PAX5: variants seen among roughly 807,000 people sequenced by gnomAD.
The protein encoded by PAX5 is paired box protein Pax-5.
Under a neutral mutation model 43.7 loss-of-function variants are expected in PAX5, and 9 were observed. The ratio of observed to expected loss-of-function variants is 0.21; its 90% CI spans 0.12 to 0.36. The LOEUF (loss-of-function observed/expected upper bound fraction) is 0.36. Among genes scored for constraint, PAX5 ranks in the 10% least tolerant of loss-of-function variants. The pLI, the probability that PAX5 is intolerant of heterozygous loss-of-function variation, is 1.00. For synonymous variants in PAX5, 228 were observed against 214.3 expected, an observed-to-expected ratio of 1.06 and a Z score of -0.56; for missense variants, 383 against 532.7, an observed-to-expected ratio of 0.72 and a Z score of 2.77.
At chr9:36,997,160 T>C (rs1163534810) in intron 5 of PAX5, among the ~76,000 whole-genome samples, 1 of 152,138 alleles carries the variant, frequency 6.6e-6, no homozygotes, top group East Asian at 1.9e-4. Context: ...TCATCAGACT[T>C]GGCATCTTCT....
chr9:36,996,878 G>A (rs1354306840), intron 5 of PAX5, among the ~76,000 whole-genome samples: 4 of 152,164 alleles, frequency 2.6e-5, no homozygotes, highest in Non-Finnish European at 2.9e-5. Flanking sequence ...GAGTGTGAGA[G>A]AAAGAGAAGA....
chr9:36,933,026 G>T (rs1831251223), intron 6 of PAX5, among the ~76,000 whole-genome samples: 1 of 151,600 alleles, frequency 6.6e-6, no homozygotes. Context: ...TGTGGTGGTG[G>T]GCACCTACTC....
At chr9:36,859,944 A>G (rs1824038332) in intron 8 of PAX5, among the ~76,000 whole-genome samples, 1 of 151,936 alleles carries the variant, frequency 6.6e-6, no homozygotes, top group Non-Finnish European at 1.5e-5. Context: ...CTGAGGCAGG[A>G]GAATGGTGTG....
At chr9:36,899,659 C>G (rs1828195491) in intron 7 of PAX5, among the ~76,000 whole-genome samples, 1 of 152,130 alleles carries the variant, frequency 6.6e-6, no homozygotes, top group Non-Finnish European at 1.5e-5. Flanking sequence ...CAGCCAACCC[C>G]CAGGACTACA....
chr9:36,965,347 A>C (rs143856530), intron 6 of PAX5, among the ~76,000 whole-genome samples: 1 of 152,184 alleles, frequency 6.6e-6, no homozygotes, highest in East Asian at 1.9e-4. Flanking sequence ...CAAAGTAAAC[A>C]CTCATCATAT....
At chr9:36,900,017 A>G (rs571233709) in intron 7 of PAX5, among the ~76,000 whole-genome samples, 4 of 152,310 alleles carry the variant, frequency 2.6e-5, no homozygotes, top group East Asian at 3.9e-4. Flanking sequence ...ACCAAAGCCA[A>G]TGGATTCTTT....
chr9:37,022,899 G>T (rs999472622), intron 1 of PAX5, among the ~76,000 whole-genome samples: 11 of 152,236 alleles, frequency 7.2e-5, no homozygotes, highest in South Asian at 4.1e-4. Flanking sequence ...TCCTTGAAAG[G>T]TCCCCAAGAC....
At chr9:36,894,280 G>A (rs1827667243) in intron 7 of PAX5, among the ~76,000 whole-genome samples, 1 of 152,174 alleles carries the variant, frequency 6.6e-6, no homozygotes, top group African/African-American at 2.4e-5. Context: ...GCCCACCCTG[G>A]GTAGGAGCTG....
chr9:37,021,960 A>T (rs1321986252), intron 1 of PAX5, among the ~76,000 whole-genome samples: 1 of 152,182 alleles, frequency 6.6e-6, no homozygotes, highest in Admixed American at 6.5e-5. Context: ...TCTCACACAC[A>T]TATATACTCA....
chr9:36,942,628 G>A (rs1337225704), intron 6 of PAX5, among the ~76,000 whole-genome samples: 5 of 152,224 alleles, frequency 3.3e-5, no homozygotes, highest in African/African-American at 4.8e-5. Flanking sequence ...ACTGGGCTTT[G>A]TTCTGCCTCT....
At chr9:36,860,409 G>A (rs1587785150) in intron 8 of PAX5, among the ~76,000 whole-genome samples, 1 of 152,102 alleles carries the variant, frequency 6.6e-6, no homozygotes, top group African/African-American at 2.4e-5. Context: ...TAGTTCACAG[G>A]GAGCTCGGAG....
intron 8 of PAX5, among the ~76,000 whole-genome samples, chr9:36,868,077 G>A (rs1226165996): frequency 3.3e-5 from 5 of 152,190 alleles, no homozygotes; most frequent in Non-Finnish European, 7.3e-5. Flanking sequence ...AGGGGAAGGA[G>A]GGAAAAGTGA....
intron 7 of PAX5, among the ~76,000 whole-genome samples, chr9:36,894,181 C>G (rs1827657123): frequency 6.6e-6 from 1 of 152,114 alleles, no homozygotes; most frequent in Admixed American, 6.5e-5. Flanking sequence ...TCACAGAGTC[C>G]CGGGGCTGGT....
chr9:37,023,505 GAC>G (rs1469451551), intron 1 of PAX5, among the ~76,000 whole-genome samples: 1 of 152,166 alleles, frequency 6.6e-6, no homozygotes, highest in Non-Finnish European at 1.5e-5. Context: ...ACAAGAAAAA[GAC>G]AGACCACAGG....
chr9:36,984,897 C>T (rs551685175), intron 5 of PAX5, among the ~76,000 whole-genome samples: 1 of 152,324 alleles, frequency 6.6e-6, no homozygotes, highest in South Asian at 2.1e-4. Flanking sequence ...AGTGGTCACA[C>T]TATAAAGCCA....
intron 7 of PAX5, among the ~76,000 whole-genome samples, chr9:36,916,057 G>GAAAAA (rs5897663): frequency 6.9e-6 from 1 of 144,654 alleles, no homozygotes; most frequent in Non-Finnish European, 1.5e-5. Context: ...AAGTGAGATT[G>GAAAAA]AAAAAAAAAA....
chr9:36,940,268 T>C (rs1301677864), intron 6 of PAX5, among the ~76,000 whole-genome samples: 2 of 152,148 alleles, frequency 1.3e-5, no homozygotes, highest in African/African-American at 4.8e-5. Flanking sequence ...GGTTTAATCG[T>C]CCAACACAAA....
At chr9:36,949,383 C>A (rs1297544921) in intron 6 of PAX5, among the ~76,000 whole-genome samples, 1 of 151,860 alleles carries the variant, frequency 6.6e-6, no homozygotes, top group African/African-American at 2.4e-5. Context: ...TTATTATCCC[C>A]ATTTTACTTA....
chr9:36,930,085 T>A (rs1282267859), intron 6 of PAX5, among the ~76,000 whole-genome samples: 2 of 151,776 alleles, frequency 1.3e-5, no homozygotes, highest in Non-Finnish European at 2.9e-5. Flanking sequence ...GTGTGCACCA[T>A]CCTCACAGAC....
Sources: allele counts gnomAD v4.1 joint callset (sites outside exome capture counted in the v4.1 genomes callset), GRCh38; gene constraint gnomAD v4.1.1; transcripts MANE v1.5; gene names NCBI Gene and HGNC (gene_info 2026-07-23, HGNC 2026-07-21).